Variants in PCDHGB4 observed in about 807,000 individuals in gnomAD.
PCDHGB4 encodes protocadherin gamma-B4.
In PCDHGB4, 38 loss-of-function variants were observed where a neutral mutation model predicts 60.5. The ratio of observed to expected loss-of-function variants is 0.63; its 90% CI spans 0.48 to 0.82. The LOEUF is 0.82. PCDHGB4 is among the 40% of genes least tolerant of loss of function. The pLI is 0.00. For missense variants in PCDHGB4, 1,109 were observed against 1,209.6 expected (o/e 0.92, Z 1.23); for synonymous variants, 456 against 509.7 (o/e 0.89, Z 1.42).
At position 141,476,043 on chromosome 5, in the gene PCDHGB4, A is replaced by T. The variant is rs2099384502; in HGVS notation, c.2398-18764A>T. 1 of 1,492,156 alleles carries T rather than the reference A, an allele frequency of 6.7e-7. No individual in the cohort carries two copies. Among genetic ancestry groups the T allele is most frequent in the African/African-American group, 1.4e-5 (1 of 71,628 alleles). The allele number at this position is 1,492,156 out of a possible 1,614,324, so 92.4% of individuals were successfully genotyped here. On this transcript the variant is annotated intron_variant, in intron 1 of 3. Coordinates refer to ENST00000519479, the MANE Select transcript of PCDHGB4 (RefSeq NM_003736.4). The surrounding 1 kb of genome is among the most constrained non-coding windows in gnomAD (Gnocchi z 7.6). ...ACTCGGCGCCCAGCGCCCAAGCGCT[A>T]ACCCGCTGAAAGTTTCTCAGCGAAA...
Position 141,387,745 on chromosome 5 carries a change from C to T in PCDHGB4, c.-140C>T, listed in dbSNP as rs933790239. On this transcript the variant is annotated 5_prime_UTR_variant, in exon 1 of 4. Coordinates refer to ENST00000519479, the MANE Select transcript of PCDHGB4 (RefSeq NM_003736.4). ...CCCAGCGCCAGCCTTTACACCGCTT[C>T]CTCCTCGGAAAAAGAAGAATTTTTT... 4 of 1,355,066 alleles carry T rather than the reference C, an allele frequency of 3.0e-6. No homozygotes were observed. In the Admixed American group the frequency reaches 8.1e-5, roughly 28 times the overall value. 83.9% of individuals were successfully genotyped at this position (1,355,066 alleles called of 1,614,324 possible).
At position 141,486,481 on chromosome 5, in the gene PCDHGB4, T is replaced by C. The variant is rs1562112794; in HGVS notation, c.2398-8326T>C. 1 of 1,614,036 alleles carries C rather than the reference T, an allele frequency of 6.2e-7. No individual in the cohort carries two copies. The highest frequency in any genetic ancestry group is 8.5e-7 in the Non-Finnish European group (1 of 1,179,976). Reference sequence around the variant, plus strand: ...CTGATGCTGGGAACCCTCCTCTCAGTACCCACAGAACTATTTTCCTCAATA... The same window carrying C: ...CTGATGCTGGGAACCCTCCTCTCAGCACCCACAGAACTATTTTCCTCAATA... On this transcript the variant is annotated intron_variant, in intron 1 of 3. Coordinates refer to ENST00000519479, the MANE Select transcript of PCDHGB4 (RefSeq NM_003736.4). This position sits in a 1 kb window ranked among gnomAD's most constrained non-coding sequence, Gnocchi z 5.0.
At chr5:141,452,106 CTCT>C (rs748460925) in intron 1 of PCDHGB4, among the ~76,000 whole-genome samples, 12 of 152,096 alleles carry the variant, frequency 7.9e-5, no homozygotes, top group South Asian at 4.1e-4. Flanking sequence ...GCTTTCTTTT[CTCT>C]TCTTATTTAT....
At chr5:141,497,203 G>C (rs750138875) in intron 2 of PCDHGB4, among the ~76,000 whole-genome samples, 3 of 91,718 alleles carry the variant, frequency 3.3e-5, no homozygotes, top group African/African-American at 2.8e-4. Flanking sequence ...AACAATGTGA[G>C]TGTAATGGGG....
In PCDHGB4 at chr5:141,389,969, C is replaced by CTTGA. The variant is rs746625491; in HGVS notation, c.2087_2090dup (p.Ser698AspfsTer36). The CTTGA allele has an allele frequency of 5.0e-6, 8 of 1,613,924 alleles. No individual in the cohort carries two copies. The highest frequency in any genetic ancestry group is 6.8e-6 in the Non-Finnish European group (8 of 1,179,910). On this transcript the variant is annotated frameshift_variant, in exon 1 of 4. Transcript: ENST00000519479. LOFTEE classifies it high-confidence loss of function. ...AGTTTTACCTAGTGGTGGCCTTGGC[C>CTTGA]TTGATCTCAGTGCTCTTCCTCGTGG... is the stretch of plus-strand genomic sequence containing the variant.
In PCDHGB4 at chr5:141,427,967, G is replaced by A. The variant is rs535332244; in HGVS notation, c.2397+37686G>A. On this transcript the variant is annotated intron_variant, in intron 1 of 3. Coordinates refer to ENST00000519479, the MANE Select transcript of PCDHGB4 (RefSeq NM_003736.4). The stretch of plus-strand genomic sequence containing the variant: ...TCAATGACAATGTGCCGCGGGTGCT[G>A]TACCCCGCGCTGGGGCCCGATGGCT... 10 of 1,591,190 alleles carry A rather than the reference G, an allele frequency of 6.3e-6. No individual in the cohort carries two copies. In the East Asian group the frequency reaches 8.9e-5, roughly 14 times the overall value.
chr5:141,418,509 G>A, intron 1 of PCDHGB4: 1 of 1,613,986 alleles, frequency 6.2e-7, no homozygotes. Context: ...GCCTTAGATG[G>A]TGGGGACCCT....
At position 141,413,783 on chromosome 5, in the gene PCDHGB4, C is replaced by T. The variant is rs1418394305; in HGVS notation, c.2397+23502C>T. 3.7e-6 allele frequency: 6 copies of T among 1,613,096 alleles called. No individual in the cohort carries two copies. Among genetic ancestry groups the T allele is most frequent in the Non-Finnish European group, 4.2e-6 (5 of 1,179,878 alleles). On this transcript the variant is annotated intron_variant, in intron 1 of 3. Coordinates refer to ENST00000519479, the MANE Select transcript of PCDHGB4 (RefSeq NM_003736.4). ...TACCCGGAGCTGGTACTGGAGCACT[C>T]CCTAGATCGCGAGGAAGAGGCCATT...
At chr5:141,403,803 T>C (rs1323082699) in intron 1 of PCDHGB4, 5 of 1,613,668 alleles carry the variant, frequency 3.1e-6, no homozygotes. Context: ...TTCTGGAAAA[T>C]TAATGAAAAA....
chr5:141,437,434 G>A (rs183505868), intron 1 of PCDHGB4, among the ~76,000 whole-genome samples: 409 of 152,312 alleles, frequency 2.7e-3, no homozygotes, highest in Middle Eastern at 6.8e-3. Flanking sequence ...AGCAGCAATA[G>A]CATAGGAATG....
chr5:141,408,555 A>G, intron 1 of PCDHGB4: 1 of 1,614,052 alleles, frequency 6.2e-7, no homozygotes, highest in South Asian at 1.1e-5. Flanking sequence ...AATATTTTTC[A>G]TGTCATTGTG....
intron 1 of PCDHGB4, among the ~76,000 whole-genome samples, chr5:141,465,779 GT>G (rs879859429): frequency 5.2e-4 from 76 of 145,138 alleles, no homozygotes; most frequent in South Asian, 1.1e-3. Flanking sequence ...TCTTGTTACA[GT>G]TTTTTTTTTT....
chr5:141,438,955 C>T (rs965336489), intron 1 of PCDHGB4, among the ~76,000 whole-genome samples: 3 of 151,926 alleles, frequency 2.0e-5, no homozygotes, highest in Non-Finnish European at 4.4e-5. Flanking sequence ...CATGAGCCAC[C>T]GCACCCTGCC....
At chr5:141,390,349 T>C in intron 1 of PCDHGB4, 68 bp downstream of exon 1, 1 of 1,568,926 alleles carries the variant, frequency 6.4e-7, no homozygotes, top group South Asian at 1.2e-5. Flanking sequence ...CAAGAAAATA[T>C]ACATATTTGC....
At chr5:141,408,202 G>C (rs778320550) in intron 1 of PCDHGB4, 8 of 1,549,950 alleles carry the variant, frequency 5.2e-6, no homozygotes, top group South Asian at 3.6e-5. Context: ...CCGAGCGAAC[G>C]ATGGGAGGGA....
At chr5:141,414,668 A>C in intron 1 of PCDHGB4, 1 of 1,613,856 alleles carries the variant, frequency 6.2e-7, no homozygotes, top group East Asian at 2.2e-5. Context: ...CTGGCTGAAG[A>C]CACCATCCAG....
At chr5:141,495,960 C>G (rs1380397345) in intron 2 of PCDHGB4, among the ~76,000 whole-genome samples, 2 of 151,998 alleles carry the variant, frequency 1.3e-5, no homozygotes, top group East Asian at 3.9e-4. Context: ...CTTTTTCTGC[C>G]TCTTTCTCTG....
chr5:141,478,102 C>T, intron 1 of PCDHGB4: 1 of 1,614,126 alleles, frequency 6.2e-7, no homozygotes, highest in South Asian at 1.1e-5. Flanking sequence ...CTGCTACCCT[C>T]ACTGTGTCAG....
intron 1 of PCDHGB4, chr5:141,414,260 A>G: frequency 6.2e-7 from 1 of 1,613,444 alleles, no homozygotes; most frequent in Non-Finnish European, 8.5e-7. Context: ...CCAGTGACTG[A>G]AGATTCACCT....
Sources: allele counts gnomAD v4.1 joint callset (sites outside exome capture counted in the v4.1 genomes callset), GRCh38; gene constraint gnomAD v4.1.1; non-coding constraint Gnocchi (gnomAD v3.1); transcripts MANE v1.5; gene names NCBI Gene and HGNC (gene_info 2026-07-23, HGNC 2026-07-21).